Variants in RAD51B observed in about 807,000 individuals in gnomAD.
The protein encoded by RAD51B is RAD51 paralog B, also known as DNA repair protein RAD51 homolog 2.
RAD51B carries 38 observed loss-of-function variants against 42.2 expected under a neutral mutation model. The ratio of observed to expected loss-of-function variants is 0.90; its 90% confidence interval spans 0.70 to 1.18. The LOEUF is 1.18. Ranked by LOEUF, RAD51B falls within the 50% of genes most tolerant of loss-of-function variation. The pLI is 0.00. For synonymous variants in RAD51B, 154 were observed against 145.2 expected (o/e 1.06, Z -0.43); for missense variants, 373 against 400.7 (o/e 0.93, Z 0.59).
intron 7 of RAD51B, among the ~76,000 whole-genome samples, chr14:68,001,721 C>T (rs2075486724): frequency 6.6e-6 from 1 of 152,132 alleles, no homozygotes; most frequent in Non-Finnish European, 1.5e-5. Context: ...TCCAAGGCCC[C>T]ACTATGTATT....
intron 5 of RAD51B, among the ~76,000 whole-genome samples, chr14:67,867,949 G>A (rs1328154559): frequency 6.6e-6 from 1 of 152,140 alleles, no homozygotes; most frequent in Non-Finnish European, 1.5e-5. Flanking sequence ...TAGAATTTAG[G>A]GTACGTGAGA....
intron 8 of RAD51B, among the ~76,000 whole-genome samples, chr14:68,406,570 T>C (rs2084281012): frequency 6.6e-6 from 1 of 152,220 alleles, no homozygotes; most frequent in Non-Finnish European, 1.5e-5. Flanking sequence ...CACCTACTGA[T>C]GAATGAACAT....
intron 7 of RAD51B, among the ~76,000 whole-genome samples, chr14:68,226,446 G>A (rs556513683): frequency 1.4e-3 from 210 of 152,266 alleles, no homozygotes; most frequent in African/African-American, 4.8e-3. Flanking sequence ...TAATTCCCAC[G>A]TGTTGTGAGA....
At chr14:68,179,947 G>C (rs2079030816) in intron 7 of RAD51B, among the ~76,000 whole-genome samples, 1 of 152,188 alleles carries the variant, frequency 6.6e-6, no homozygotes, top group Non-Finnish European at 1.5e-5. Flanking sequence ...AGACAGTTGG[G>C]TCTTGCACAG....
chr14:68,371,256 C>T (rs920397367), intron 8 of RAD51B, among the ~76,000 whole-genome samples: 2 of 149,322 alleles, frequency 1.3e-5, no homozygotes, highest in East Asian at 2.0e-4. Context: ...TGGTGGCTTA[C>T]GCCTGTAATC....
At chr14:67,951,696 A>G (rs767548702) in intron 7 of RAD51B, among the ~76,000 whole-genome samples, 5 of 152,168 alleles carry the variant, frequency 3.3e-5, no homozygotes, top group Non-Finnish European at 7.4e-5. Flanking sequence ...ACCATACCAC[A>G]TGTTTTTATA....
intron 10 of RAD51B, among the ~76,000 whole-genome samples, chr14:68,525,732 A>G (rs1478121990): frequency 1.3e-5 from 2 of 152,174 alleles, no homozygotes; most frequent in Non-Finnish European, 2.9e-5. Flanking sequence ...CCCAAATGCC[A>G]AACACTTCCA....
At chr14:68,545,779 G>A (rs1888194852) in intron 10 of RAD51B, among the ~76,000 whole-genome samples, 1 of 152,182 alleles carries the variant, frequency 6.6e-6, no homozygotes, top group Non-Finnish European at 1.5e-5. Context: ...TAGAGTAGGG[G>A]GTTGGGCAGA....
intron 7 of RAD51B, among the ~76,000 whole-genome samples, chr14:68,119,496 G>C (rs2077608765): frequency 8.4e-6 from 1 of 118,608 alleles, no homozygotes. Context: ...AGTCCCCAGA[G>C]TGTGACGTTC....
chr14:68,152,660 T>C (rs959235045), intron 7 of RAD51B, among the ~76,000 whole-genome samples: 4 of 152,184 alleles, frequency 2.6e-5, no homozygotes. Flanking sequence ...ATAGGGAAAT[T>C]CGTATCACAG....
At chr14:68,616,784 T>G (rs1891835521) in intron 10 of RAD51B, among the ~76,000 whole-genome samples, 1 of 152,116 alleles carries the variant, frequency 6.6e-6, no homozygotes, top group Non-Finnish European at 1.5e-5. Flanking sequence ...TTTGTTTTGT[T>G]TTGTTTTTGA....
chr14:68,085,027 G>A (rs2076964470), intron 7 of RAD51B, among the ~76,000 whole-genome samples: 1 of 152,192 alleles, frequency 6.6e-6, no homozygotes, highest in African/African-American at 2.4e-5. Flanking sequence ...ACTGGAGAAA[G>A]GAAGGCGTCA....
chr14:68,444,751 C>G (rs2085382837), intron 9 of RAD51B, among the ~76,000 whole-genome samples: 1 of 152,168 alleles, frequency 6.6e-6, no homozygotes, highest in Non-Finnish European at 1.5e-5. Flanking sequence ...ACAGTAGGAG[C>G]AGGGATGGGG....
chr14:68,382,155 C>A (rs1186006120), intron 8 of RAD51B, among the ~76,000 whole-genome samples: 1 of 152,226 alleles, frequency 6.6e-6, no homozygotes, highest in African/African-American at 2.4e-5. Flanking sequence ...TCAACCTGGG[C>A]GCTATTGGCG....
At chr14:68,379,344 T>A (rs780271897) in intron 8 of RAD51B, among the ~76,000 whole-genome samples, 1 of 152,216 alleles carries the variant, frequency 6.6e-6, no homozygotes, top group Non-Finnish European at 1.5e-5. Context: ...AGATTCCAAG[T>A]CAATAGGATT....
chr14:68,656,056 T>C (rs1892808869), intron 11 of RAD51B, among the ~76,000 whole-genome samples: 1 of 152,048 alleles, frequency 6.6e-6, no homozygotes, highest in Non-Finnish European at 1.5e-5. Context: ...GGTGCTGGCT[T>C]TTAGCAAGGA....
intron 4 of RAD51B, among the ~76,000 whole-genome samples, chr14:67,859,546 T>C (rs1231578339): frequency 6.6e-6 from 1 of 152,198 alleles, no homozygotes; most frequent in Non-Finnish European, 1.5e-5. Flanking sequence ...TCCCTTGAAA[T>C]ACTGGCTAAC....
chr14:68,541,614 A>G (rs1887971703), intron 10 of RAD51B: 1 of 985,396 alleles, frequency 1.0e-6, no homozygotes, highest in Non-Finnish European at 1.2e-6. Flanking sequence ...TGCCCATGTC[A>G]CCCAACTAAC....
intron 4 of RAD51B, among the ~76,000 whole-genome samples, chr14:67,861,543 T>G (rs1269660120): frequency 6.9e-6 from 1 of 145,742 alleles, no homozygotes; most frequent in Non-Finnish European, 1.5e-5. Context: ...GCCACTGCAC[T>G]CCAGCCTGGG....
Sources: allele counts gnomAD v4.1 joint callset (sites outside exome capture counted in the v4.1 genomes callset), GRCh38; gene constraint gnomAD v4.1.1; transcripts MANE v1.5; gene names NCBI Gene and HGNC (gene_info 2026-07-23, HGNC 2026-07-21).